The following EIF4G3 variants were observed in gnomAD, a reference collection of about 807,000 sequenced individuals.
The protein encoded by EIF4G3 is eIF-4-gamma 3.
EIF4G3 carries 34 observed loss-of-function variants against 186.4 expected under a neutral mutation model. That is an observed-to-expected ratio of 0.18 (90% CI 0.14 to 0.24). The LOEUF (loss-of-function observed/expected upper bound fraction) is 0.24, where lower values mean the gene tolerates loss of function less well. Among genes scored for constraint, EIF4G3 ranks in the 10% least tolerant of loss-of-function variants. The pLI is 1.00. For synonymous variants in EIF4G3, 673 were observed against 679.5 expected, an observed-to-expected ratio of 0.99 and a Z score of 0.15; for missense variants, 1,536 against 1,948.5, an observed-to-expected ratio of 0.79 and a Z score of 3.99.
intron 36 of EIF4G3, among the ~76,000 whole-genome samples, chr1:20,808,931 T>C (rs1017578054): frequency 6.6e-6 from 1 of 152,176 alleles, no homozygotes; most frequent in African/African-American, 2.4e-5. Flanking sequence ...GGCAGTGGAA[T>C]AAACAATAAA....
At chr1:21,103,503 G>T (rs567192519) in intron 2 of EIF4G3, among the ~76,000 whole-genome samples, 1 of 152,252 alleles carries the variant, frequency 6.6e-6, no homozygotes, top group South Asian at 2.1e-4. Context: ...TGACTATGAG[G>T]ATAAACTTAC....
intron 36 of EIF4G3, among the ~76,000 whole-genome samples, chr1:20,808,992 A>T (rs867269369): frequency 2.0e-5 from 3 of 151,272 alleles, no homozygotes; most frequent in African/African-American, 7.3e-5. Flanking sequence ...TTTTTTTTTT[A>T]AATGGAGTTT....
At chr1:20,875,489 T>C (rs1316752637) in intron 20 of EIF4G3, among the ~76,000 whole-genome samples, 1 of 152,218 alleles carries the variant, frequency 6.6e-6, no homozygotes, top group African/African-American at 2.4e-5. Context: ...GTCAGTAGAT[T>C]ACAAATAGTC....
chr1:21,036,375 G>A (rs181970126), intron 4 of EIF4G3, among the ~76,000 whole-genome samples: 11 of 152,218 alleles, frequency 7.2e-5, no homozygotes, highest in Non-Finnish European at 1.5e-4. Flanking sequence ...CTTCCTGGAC[G>A]CAGGACAAGA....
intron 3 of EIF4G3, among the ~76,000 whole-genome samples, chr1:21,081,636 ATTT>A (rs566655576): frequency 8.1e-6 from 1 of 122,770 alleles, no homozygotes; most frequent in Non-Finnish European, 1.7e-5. Context: ...GATGAGTCCA[ATTT>A]TTTTTTTTTT....
intron 36 of EIF4G3, among the ~76,000 whole-genome samples, chr1:20,808,064 A>G (rs969585469): frequency 6.6e-6 from 1 of 151,770 alleles, no homozygotes; most frequent in African/African-American, 2.4e-5. Flanking sequence ...TTGTATTTTA[A>G]GTAGAGAAGG....
chr1:20,840,772 ATACT>A, intron 30 of EIF4G3, 80 bp downstream of exon 30: 2 of 1,286,342 alleles, frequency 1.6e-6, no homozygotes, highest in Non-Finnish European at 2.2e-6. Flanking sequence ...AAAAAACTAA[ATACT>A]TAAAGAGGTA....
chr1:20,981,551 T>TATAC (rs74991891), intron 8 of EIF4G3, among the ~76,000 whole-genome samples: 2 of 59,014 alleles, frequency 3.4e-5, no homozygotes, highest in East Asian at 3.0e-4. Context: ...ATACTGTATG[T>TATAC]ATACATACAT....
At chr1:21,082,930 T>C (rs193206989) in intron 3 of EIF4G3, among the ~76,000 whole-genome samples, 159 of 147,954 alleles carry the variant, frequency 1.1e-3, no homozygotes, top group African/African-American at 3.9e-3. Context: ...CCCAGCTACT[T>C]GGGAGGCTGA....
intron 2 of EIF4G3, among the ~76,000 whole-genome samples, chr1:21,145,815 T>G (rs1259413242): frequency 6.6e-6 from 1 of 152,166 alleles, no homozygotes; most frequent in African/African-American, 2.4e-5. Context: ...GTGTAGTGGC[T>G]CATATCTGCA....
intron 2 of EIF4G3, among the ~76,000 whole-genome samples, chr1:21,162,823 T>C (rs2097788558): frequency 6.6e-6 from 1 of 152,206 alleles, no homozygotes; most frequent in African/African-American, 2.4e-5. Context: ...GGTATCCATA[T>C]AATTTACTAT....
chr1:20,959,991 A>G (rs2096535281), intron 12 of EIF4G3, among the ~76,000 whole-genome samples: 1 of 152,186 alleles, frequency 6.6e-6, no homozygotes. Context: ...AAGATTCCTT[A>G]AAGAGCTAAA....
At chr1:20,823,476 C>A (rs112009630) in intron 33 of EIF4G3, among the ~76,000 whole-genome samples, 33 of 152,154 alleles carry the variant, frequency 2.2e-4, no homozygotes, top group African/African-American at 6.7e-4. Context: ...TAAACTCCCA[C>A]GCTCTAGTGA....
intron 30 of EIF4G3, among the ~76,000 whole-genome samples, chr1:20,834,710 C>T (rs1012552552): frequency 6.6e-6 from 1 of 152,102 alleles, no homozygotes; most frequent in African/African-American, 2.4e-5. Flanking sequence ...TACATATGCA[C>T]CTCAAATTGG....
chr1:20,902,318 T>G (rs2090607099), intron 15 of EIF4G3, among the ~76,000 whole-genome samples: 1 of 152,206 alleles, frequency 6.6e-6, no homozygotes, highest in African/African-American at 2.4e-5. Context: ...CTTCTTGGCC[T>G]CCCAAAGTGC....
chr1:20,833,424 A>G (rs1357307461), intron 30 of EIF4G3, among the ~76,000 whole-genome samples: 1 of 152,134 alleles, frequency 6.6e-6, no homozygotes, highest in Non-Finnish European at 1.5e-5. Flanking sequence ...TTGTTGGTGT[A>G]TAAGAATGCT....
chr1:20,836,620 G>C (rs764117015), intron 30 of EIF4G3, among the ~76,000 whole-genome samples: 2 of 152,300 alleles, frequency 1.3e-5, no homozygotes, highest in Non-Finnish European at 2.9e-5. Context: ...TCAAGGAAGA[G>C]ATAAGAATTT....
intron 5 of EIF4G3, among the ~76,000 whole-genome samples, 157 bp from the exon 6 acceptor site, chr1:21,001,469 C>T (rs900321107): frequency 1.3e-5 from 2 of 152,174 alleles, no homozygotes; most frequent in African/African-American, 4.8e-5. Flanking sequence ...TAGGAGCTTA[C>T]CATAATGTTC....
At chr1:21,154,231 A>G (rs1297317291) in intron 2 of EIF4G3, among the ~76,000 whole-genome samples, 1 of 152,210 alleles carries the variant, frequency 6.6e-6, no homozygotes, top group African/African-American at 2.4e-5. Flanking sequence ...AACTCTCTAT[A>G]TAGATCACTA....
Sources: allele counts gnomAD v4.1 joint callset (sites outside exome capture counted in the v4.1 genomes callset), GRCh38; gene constraint gnomAD v4.1.1; transcripts MANE v1.5; gene names NCBI Gene and HGNC (gene_info 2026-07-23, HGNC 2026-07-21).